R3HDM1: variants seen among roughly 807,000 people sequenced by gnomAD.
The protein encoded by R3HDM1 is R3H domain containing 1.
A neutral mutation model predicts 141.1 loss-of-function variants in R3HDM1; 46 were observed. That is an observed-to-expected ratio of 0.33 (90% CI 0.26 to 0.42). The LOEUF is 0.42. R3HDM1 is among the 10% of genes least tolerant of loss of function. R3HDM1 has a pLI of 1.00. For synonymous variants in R3HDM1, 435 were observed against 472.9 expected (o/e 0.92, Z 1.04); for missense variants, 1,184 against 1,368.3 (o/e 0.87, Z 2.12).
chr2:135,582,024 T>C (rs2105031522), intron 1 of R3HDM1, among the ~76,000 whole-genome samples: 1 of 152,340 alleles, frequency 6.6e-6, no homozygotes, highest in South Asian at 2.1e-4. Flanking sequence ...TCTCTTGATT[T>C]ATTCCCTCCT....
chr2:135,719,979 G>A (rs1382859782), intron 24 of R3HDM1, among the ~76,000 whole-genome samples: 4 of 152,044 alleles, frequency 2.6e-5, no homozygotes, highest in African/African-American at 7.2e-5. Context: ...CCAAGTAGCT[G>A]GGATTACAGG....
intron 21 of R3HDM1, among the ~76,000 whole-genome samples, chr2:135,694,832 C>T (rs625118): frequency 6.6e-6 from 1 of 151,978 alleles, no homozygotes; most frequent in Non-Finnish European, 1.5e-5. Context: ...TGTTTGCAAA[C>T]ACTACTTGAG....
At chr2:135,541,136 A>G (rs1017042289) in intron 1 of R3HDM1, among the ~76,000 whole-genome samples, 13 of 152,126 alleles carry the variant, frequency 8.5e-5, no homozygotes, top group Non-Finnish European at 5.9e-5. Flanking sequence ...ATAGTTCTTA[A>G]TGGCCCTAGG....
In R3HDM1 at chr2:135,649,891, T is replaced by A; in HGVS notation, c.1624-11T>A. On this transcript the variant is annotated splice_polypyrimidine_tract_variant and intron_variant, in intron 16 of 26. Transcript: ENST00000683871. ...GACATTAACATTGTTTGCCAACCTG[T>A]TATTCTTTAGCCTGTTCATCCTCTG... is the stretch of plus-strand genomic sequence containing the variant. 8.2e-7 allele frequency: 1 copy of A among 1,220,830 alleles called. No homozygotes were observed. The highest frequency in any genetic ancestry group is 1.1e-6 in the Non-Finnish European group (1 of 945,048). 75.6% of individuals were successfully genotyped at this position (1,220,830 alleles called of 1,614,324 possible). A position where few individuals can be genotyped will look rare whatever the true frequency, so the allele number is the denominator to read the frequency against.
intron 24 of R3HDM1, among the ~76,000 whole-genome samples, chr2:135,717,438 C>T (rs187938134): frequency 2.0e-5 from 3 of 151,880 alleles, no homozygotes; most frequent in Admixed American, 6.6e-5. Context: ...GAGCCAAGAT[C>T]GCACCACTGC....
Position 135,725,042 on chromosome 2 carries a change from C to T in R3HDM1, c.*750C>T, listed in dbSNP as rs932700585. On this transcript the variant is annotated 3_prime_UTR_variant, in exon 27 of 27. Transcript: ENST00000683871. ...CTAAATGCCACTTATTTGCATTCTCCTTGTGGATTTTTTGTCACCTAAGGA... is the reference window on the plus strand; with the variant it reads ...CTAAATGCCACTTATTTGCATTCTCTTTGTGGATTTTTTGTCACCTAAGGA... 1 of 152,136 alleles carries T rather than the reference C, an allele frequency of 6.6e-6. No homozygotes were observed. The allele number at this position is 152,136 out of a possible 1,614,324, so 9.4% of individuals were successfully genotyped here. A position where few individuals can be genotyped will look rare whatever the true frequency, so the allele number is the denominator to read the frequency against.
intron 9 of R3HDM1, among the ~76,000 whole-genome samples, chr2:135,632,706 G>A (rs1054827791): frequency 6.6e-6 from 1 of 152,178 alleles, no homozygotes; most frequent in South Asian, 2.1e-4. Context: ...ACAACTAGCT[G>A]AGTTCAGCTG....
At chr2:135,659,821 C>G (rs1295064452) in intron 18 of R3HDM1, among the ~76,000 whole-genome samples, 1 of 152,168 alleles carries the variant, frequency 6.6e-6, no homozygotes, top group Non-Finnish European at 1.5e-5. Flanking sequence ...ATTACCAAGT[C>G]TTATTTATAT....
intron 19 of R3HDM1, chr2:135,667,645 G>A: frequency 1.0e-6 from 1 of 976,158 alleles, no homozygotes; most frequent in Non-Finnish European, 1.2e-6. Flanking sequence ...TAGCCAAGTT[G>A]GAGTCGGGAT....
intron 1 of R3HDM1, chr2:135,586,848 A>G (rs932228443): frequency 2.0e-6 from 2 of 985,282 alleles, no homozygotes; most frequent in Non-Finnish European, 2.4e-6. Context: ...AGCTGGAAAA[A>G]TGACTTCTCT....
chr2:135,612,256 C>T (rs2060617420), intron 3 of R3HDM1, among the ~76,000 whole-genome samples: 1 of 152,142 alleles, frequency 6.6e-6, no homozygotes, highest in African/African-American at 2.4e-5. Context: ...CTTACAATTG[C>T]CACTAATCTT....
chr2:135,671,863 C>T (rs2068409399), intron 19 of R3HDM1, among the ~76,000 whole-genome samples: 1 of 151,922 alleles, frequency 6.6e-6, no homozygotes, highest in Non-Finnish European at 1.5e-5. Flanking sequence ...GTAATTCCAG[C>T]TACTCGGCAG....
chr2:135,615,517 A>G (rs2060942790), intron 3 of R3HDM1, among the ~76,000 whole-genome samples: 1 of 152,130 alleles, frequency 6.6e-6, no homozygotes, highest in African/African-American at 2.4e-5. Context: ...GCATTCTCCA[A>G]TCATGTGACT....
At chr2:135,548,363 C>A (rs987730451) in intron 1 of R3HDM1, among the ~76,000 whole-genome samples, 1 of 152,134 alleles carries the variant, frequency 6.6e-6, no homozygotes, top group African/African-American at 2.4e-5. Context: ...GTATACATCA[C>A]CCCTAAACAC....
At chr2:135,709,332 C>G in intron 21 of R3HDM1, 101 bp from the exon 22 acceptor site, 1 of 1,503,240 alleles carries the variant, frequency 6.7e-7, no homozygotes, top group Non-Finnish European at 9.0e-7. Flanking sequence ...CTTGGCCTCC[C>G]AAAGTGCTGG....
At chr2:135,677,312 C>T (rs578255858) in intron 20 of R3HDM1, among the ~76,000 whole-genome samples, 6 of 152,254 alleles carry the variant, frequency 3.9e-5, no homozygotes, top group South Asian at 4.1e-4. Flanking sequence ...TCTCTCACAT[C>T]CCCCATGCTT....
chr2:135,545,850 TAAAC>T (rs1455332756), intron 1 of R3HDM1, among the ~76,000 whole-genome samples: 2 of 152,204 alleles, frequency 1.3e-5, no homozygotes, highest in Non-Finnish European at 2.9e-5. Flanking sequence ...TAGTTTTTCT[TAAAC>T]AAAAGTACCT....
intron 1 of R3HDM1, among the ~76,000 whole-genome samples, chr2:135,537,458 G>A (rs996359811): frequency 6.6e-6 from 1 of 150,488 alleles, no homozygotes; most frequent in Non-Finnish European, 1.5e-5. Flanking sequence ...GCTAATTTTT[G>A]TATTTTTAGT....
At chr2:135,556,027 T>TG (rs958111221) in intron 1 of R3HDM1, among the ~76,000 whole-genome samples, 1 of 150,568 alleles carries the variant, frequency 6.6e-6, no homozygotes, top group Non-Finnish European at 1.5e-5. Flanking sequence ...AGTGGGGGGA[T>TG]GGGGGGAGGG....
Sources: gnomAD v4.1 joint callset for allele counts (sites outside exome capture counted in the v4.1 genomes callset) on GRCh38, gnomAD v4.1.1 for gene constraint, MANE v1.5 for transcripts, NCBI Gene and HGNC (gene_info 2026-07-23, HGNC 2026-07-21) for gene names.